The following CELF2 variants were observed in gnomAD, a reference collection of about 807,000 sequenced individuals.
CELF2 encodes the protein CUG triplet repeat RNA-binding protein 2.
In CELF2, 8 loss-of-function variants were observed where a neutral mutation model predicts 62.6. The ratio of observed to expected loss-of-function variants is 0.13; its 90% CI spans 0.07 to 0.23. The LOEUF (loss-of-function observed/expected upper bound fraction) is 0.23. CELF2 is among the 10% of genes least tolerant of loss of function. CELF2 has a pLI of 1.00. For missense variants in CELF2, 333 were observed against 671.0 expected, an observed-to-expected ratio of 0.50 and a Z score of 5.56; for synonymous variants, 258 against 250.0, an observed-to-expected ratio of 1.03 and a Z score of -0.30.
chr10:11,279,496 C>G (rs924488568), intron 8 of CELF2, among the ~76,000 whole-genome samples: 2 of 152,162 alleles, frequency 1.3e-5, no homozygotes, highest in Non-Finnish European at 2.9e-5. Context: ...TCCACAAAGA[C>G]TCACGCAGAA....
At chr10:11,196,422 G>T (rs972109660) in intron 2 of CELF2, among the ~76,000 whole-genome samples, 1 of 152,202 alleles carries the variant, frequency 6.6e-6, no homozygotes, top group Non-Finnish European at 1.5e-5. Context: ...AGCACTTTGG[G>T]AGACCAAGGC....
the CELF2 span, among the ~76,000 whole-genome samples, chr10:10,657,264 A>C: frequency 1.3e-5 from 2 of 152,322 alleles, no homozygotes; most frequent in Middle Eastern, 3.4e-3. Context: ...GCTGGAGAAA[A>C]GGGACAGTGA....
At chr10:10,495,424 T>C in the CELF2 span, among the ~76,000 whole-genome samples, 1 of 152,214 alleles carries the variant, frequency 6.6e-6, no homozygotes, top group African/African-American at 2.4e-5. Context: ...GTTTGGGTGT[T>C]TCCACCCAAT....
chr10:10,581,594 CAAG>C, the CELF2 span, among the ~76,000 whole-genome samples: 5 of 152,184 alleles, frequency 3.3e-5, no homozygotes, highest in African/African-American at 9.7e-5. Flanking sequence ...GAGGCTCCAA[CAAG>C]AAGGAGGATT....
intron 1 of CELF2, among the ~76,000 whole-genome samples, chr10:10,849,328 A>G (rs2059227892): frequency 6.6e-6 from 1 of 152,026 alleles, no homozygotes; most frequent in Non-Finnish European, 1.5e-5. Flanking sequence ...AAGAATCACG[A>G]ACCAGGAGGC....
intron 1 of CELF2, among the ~76,000 whole-genome samples, chr10:10,842,414 A>G (rs2058741104): frequency 6.6e-6 from 1 of 152,092 alleles, no homozygotes; most frequent in Non-Finnish European, 1.5e-5. Context: ...AAAGAATGAT[A>G]TTAGCAATAG....
rs1005526248 is a variant in CELF2 at position 11,165,764 on chromosome 10, G to C, written c.271+82G>C. ...GGGCTGTCCGAGCCCCCAGCCTGCA[G>C]GAGGAAGGGCGGGTAGGCAGGAGGG... On this transcript the variant is annotated intron_variant, in intron 2 of 12. Coordinates refer to ENST00000633077, the MANE Select transcript of CELF2 (RefSeq NM_001326342.2). The surrounding 1 kb of genome is among the most constrained non-coding windows in gnomAD (Gnocchi z 7.4). 17 of 1,333,310 alleles carry C rather than the reference G, an allele frequency of 1.3e-5. No homozygotes were observed. In the African/African-American group the frequency reaches 1.6e-4, roughly 13 times the overall value. 82.6% of individuals were successfully genotyped at this position (1,333,310 alleles called of 1,614,324 possible). A position where few individuals can be genotyped will look rare whatever the true frequency, so the allele number is the denominator to read the frequency against.
chr10:10,875,306 A>G (rs939935301), intron 1 of CELF2, among the ~76,000 whole-genome samples: 1 of 152,232 alleles, frequency 6.6e-6, no homozygotes, highest in Non-Finnish European at 1.5e-5. Flanking sequence ...CTCAGTTCCA[A>G]AAGGATAAAA....
chr10:10,786,142 C>T, the CELF2 span, among the ~76,000 whole-genome samples: 6 of 152,254 alleles, frequency 3.9e-5, no homozygotes, highest in Admixed American at 2.0e-4. Context: ...GCACTGGCTC[C>T]GGGGTCAGCC....
Position 11,098,364 on chromosome 10 carries a change from C to T in CELF2, c.75-67122C>T, listed in dbSNP as rs1194973599. 2 of 152,210 alleles carry T rather than the reference C, an allele frequency of 1.3e-5. No individual in the cohort carries two copies. Among genetic ancestry groups the T allele is most frequent in the Non-Finnish European group, 2.9e-5 (2 of 68,102 alleles). The allele number at this position is 152,210 out of a possible 1,614,324, so 9.4% of individuals were successfully genotyped here. A position where few individuals can be genotyped will look rare whatever the true frequency, so the allele number is the denominator to read the frequency against. ...AGAGCAGTAGACCCTGTCTCCAAGC[C>T]GTGGCAAGTGTCTAATTCTCCCTCC... On this transcript the variant is annotated intron_variant, in intron 1 of 12. Coordinates refer to ENST00000633077, the MANE Select transcript of CELF2 (RefSeq NM_001326342.2). The surrounding 1 kb of genome is among the most constrained non-coding windows in gnomAD (Gnocchi z 4.0).
chr10:10,813,121 G>A (rs1564656327), intron 1 of CELF2, among the ~76,000 whole-genome samples: 1 of 152,132 alleles, frequency 6.6e-6, no homozygotes, highest in Non-Finnish European at 1.5e-5. Context: ...TTTCTTTCAA[G>A]GCTCTTTTAT....
the CELF2 span, among the ~76,000 whole-genome samples, chr10:10,607,658 G>C: frequency 6.6e-6 from 1 of 152,204 alleles, no homozygotes; most frequent in Non-Finnish European, 1.5e-5. Context: ...GAGAGAAATA[G>C]AAAATGTAAA....
At chr10:11,187,442 C>A (rs1469889296) in intron 2 of CELF2, among the ~76,000 whole-genome samples, 1 of 152,144 alleles carries the variant, frequency 6.6e-6, no homozygotes, top group Non-Finnish European at 1.5e-5. Flanking sequence ...TTGTACACAG[C>A]AGGTAGTCGG....
At position 11,211,811 on chromosome 10, in the gene CELF2, AGAGTGTGTGTGTGTGTGTGTGT is replaced by A. The variant is rs1292436203; in HGVS notation, c.272-5612_272-5591del. Among the ~76,000 whole-genome samples, 1 of 56,044 alleles carries A rather than the reference AGAGTGTGTGTGTGTGTGTGTGT, an allele frequency of 1.8e-5. No individual in the cohort carries two copies. Among genetic ancestry groups the A allele is most frequent in the African/African-American group, 7.4e-5 (1 of 13,482 alleles). 36.8% of individuals were successfully genotyped at this position (56,044 alleles called of 152,430 possible). A position where few individuals can be genotyped will look rare whatever the true frequency, so the allele number is the denominator to read the frequency against. On this transcript the variant is annotated intron_variant, in intron 2 of 12. Transcript: ENST00000633077. The surrounding 1 kb of genome is among the most constrained non-coding windows in gnomAD (Gnocchi z 4.8). ...GTGTGTGAGAGAGAGAGAGAGAGAG[AGAGTGTGTGTGTGTGTGTGTGT>A]GTGTGTGTGTGTGTGTGTGTGTAAC... is the stretch of plus-strand genomic sequence containing the variant.
chr10:10,834,204 C>T (rs34065807), intron 1 of CELF2, among the ~76,000 whole-genome samples: 1 of 152,194 alleles, frequency 6.6e-6, no homozygotes, highest in South Asian at 2.1e-4. Context: ...CGAAGTAACT[C>T]AGGAACAGAA....
Position 10,990,836 on chromosome 10 carries a change from G to C in CELF2, c.89+70837G>C, listed in dbSNP as rs2053345432. ...CAACATGGTTTGGGTATCATTTGGGGTAACCTGTGTTCTCAGTGGCTTTCC... is the reference window on the plus strand; with the variant it reads ...CAACATGGTTTGGGTATCATTTGGGCTAACCTGTGTTCTCAGTGGCTTTCC... On this transcript the variant is annotated intron_variant, in intron 2 of 13. Transcript: ENST00000636488. This position sits in a 1 kb window ranked among gnomAD's most constrained non-coding sequence, Gnocchi z 4.6. 6.6e-6 allele frequency among the ~76,000 whole-genome samples: 1 copy of C among 152,106 alleles called. No homozygotes were observed. The highest frequency in any genetic ancestry group is 2.4e-5 in the African/African-American group (1 of 41,422).
chr10:11,112,965 G>A (rs1054630659), intron 1 of CELF2, among the ~76,000 whole-genome samples: 14 of 152,000 alleles, frequency 9.2e-5, no homozygotes, highest in South Asian at 2.1e-4. Flanking sequence ...TTCCACATGC[G>A]TAGCCTATAT....
the CELF2 span, among the ~76,000 whole-genome samples, chr10:10,628,106 T>C: frequency 6.6e-6 from 1 of 152,132 alleles, no homozygotes. Context: ...TTTTGCCGTG[T>C]TGGCCAAGCT....
intron 1 of CELF2, among the ~76,000 whole-genome samples, chr10:10,891,568 G>C (rs941945431): frequency 6.6e-6 from 1 of 151,768 alleles, no homozygotes; most frequent in Admixed American, 6.6e-5. Flanking sequence ...TTTTTCAAAC[G>C]AACAAACTGC....
Sources: gnomAD v4.1 joint callset for allele counts (sites outside exome capture counted in the v4.1 genomes callset) on GRCh38, gnomAD v4.1.1 for gene constraint, Gnocchi (gnomAD v3.1) non-coding constraint, MANE v1.5 for transcripts, NCBI Gene and HGNC (gene_info 2026-07-23, HGNC 2026-07-21) for gene names.